YJEFN3: variants seen among roughly 807,000 people sequenced by gnomAD.
The protein encoded by YJEFN3 is yjeF N-terminal domain-containing protein 3.
A neutral mutation model predicts 31.5 loss-of-function variants in YJEFN3; 29 were observed. That is an observed-to-expected ratio of 0.92 (90% CI 0.69 to 1.26). The LOEUF is 1.26. YJEFN3 is among the 50% of genes most tolerant of loss of function. The probability of loss-of-function intolerance (pLI) is 0.00; values close to 1 mark genes in which losing one functional copy is unlikely to be tolerated. For synonymous variants in YJEFN3, 227 were observed against 196.1 expected, an observed-to-expected ratio of 1.16 and a Z score of -1.32; for missense variants, 442 against 425.4, an observed-to-expected ratio of 1.04 and a Z score of -0.34.
intron 2 of YJEFN3, among the ~76,000 whole-genome samples, chr19:19,530,679 A>G (rs987266744): frequency 1.3e-5 from 2 of 152,058 alleles, no homozygotes; most frequent in African/African-American, 2.4e-5. Flanking sequence ...CGCACCTCCT[A>G]TGTGCTTTCC....
intron 1 of YJEFN3, 175 bp from the exon 2 acceptor site, chr19:19,529,189 C>G (rs1358006105): frequency 6.9e-7 from 1 of 1,448,782 alleles, no homozygotes; most frequent in African/African-American, 1.4e-5. Context: ...CAAGACGGGC[C>G]TGGGAATCCC....
In YJEFN3 at chr19:19,534,825, G is replaced by A. The variant is rs2061192023; in HGVS notation, c.319-209G>A. 7.2e-6 allele frequency: 3 copies of A among 414,790 alleles called. No homozygotes were observed. Among genetic ancestry groups the A allele is most frequent in the Non-Finnish European group, 8.5e-6 (2 of 235,616 alleles). The allele number at this position is 414,790 out of a possible 1,614,324, so 25.7% of individuals were successfully genotyped here. On this transcript the variant is annotated intron_variant, in intron 3 of 6. Transcript: ENST00000514277. This position sits in a 1 kb window ranked among gnomAD's most constrained non-coding sequence, Gnocchi z 4.6. ...ACGTTTTTCCTGCACCGACCTGGCA[G>A]AGCCTGAGACCGGGCCTCTGCATCT...
rs1187980648 is a variant in YJEFN3, at chr19:19,537,388, C to T, written c.764C>T (p.Ala255Val). 1.3e-6 allele frequency: 2 copies of T among 1,593,262 alleles called. No individual in the cohort carries two copies. Among genetic ancestry groups the T allele is most frequent in the East Asian group, 2.3e-5 (1 of 44,436 alleles). The part of the protein sequence containing the change: ...LRPDVLVSLA[A>V]PKRCAGRFSG... ...CCTGACGTGCTGGTGTCTCTCGCGG[C>T]GCCCAAGCGCTGCGCTGGCCGCTTC... is the stretch of plus-strand genomic sequence containing the variant. The change falls in exon 7 of 7, where the codon GCG (alanine) becomes GTG (valine). Residue 255 changes from alanine to valine, a missense_variant. Transcript: ENST00000514277.
chr19:19,530,325 C>T (rs1163517368), intron 2 of YJEFN3, among the ~76,000 whole-genome samples: 1 of 152,072 alleles, frequency 6.6e-6, no homozygotes, highest in Middle Eastern at 3.2e-3. Context: ...GCAGAAGGGA[C>T]CTGCCCTGCC....
Position 19,537,325 on chromosome 19 carries a change from A to G in YJEFN3, c.701A>G (p.Asp234Gly). 1 of 1,591,566 alleles carries G rather than the reference A, an allele frequency of 6.3e-7. No individual in the cohort carries two copies. The highest frequency in any genetic ancestry group is 8.5e-7 in the Non-Finnish European group (1 of 1,175,054). ...LVSLDIPSGWDAETGSDSEDG... is the reference protein window; with the variant it reads ...LVSLDIPSGWGAETGSDSEDG... Reference sequence around the variant, plus strand: ...CCGGACCCTCCTCCCTCAGGCTGGGACGCAGAGACCGGCAGCGATTCGGAG... The same window carrying G: ...CCGGACCCTCCTCCCTCAGGCTGGGGCGCAGAGACCGGCAGCGATTCGGAG... The change falls in exon 7 of 7, where the codon GAC becomes GGC. Residue 234 changes from aspartate to glycine, a missense_variant. Physicochemically the swap from Asp to Gly is moderately conservative, Grantham distance 94. Transcript: ENST00000514277.
rs773865443 is a variant in YJEFN3 at position 19,535,608 on chromosome 19, G to A, written c.623G>A (p.Gly208Asp). 3 of 1,585,978 alleles carry A rather than the reference G, an allele frequency of 1.9e-6. No individual in the cohort carries two copies. The Admixed American group carries it at 5.3e-5, about 28-fold the overall frequency. The change falls in exon 6 of 7, where the codon GGC becomes GAC. Residue 208 changes from glycine (G) to aspartate (D), a missense_variant. Physicochemically the swap from Gly to Asp is moderately conservative, Grantham distance 94. Coordinates refer to ENST00000514277, the MANE Select transcript of YJEFN3 (RefSeq NM_198537.4). ...GGCGTGGAGCCGGGCGAGGTCGGGG[G>A]CCCCTGCACCCGCGCGCTGGCCACG... ...GPGVEPGEVG[G>D]PCTRALATLK...
chr19:19,530,145 C>T (rs781390489), intron 2 of YJEFN3, among the ~76,000 whole-genome samples: 23 of 152,256 alleles, frequency 1.5e-4, no homozygotes, highest in Non-Finnish European at 2.8e-4. Context: ...AGAAAGCCCC[C>T]TCCTGGAAGC....
chr19:19,534,869 CCCCAAGAGG>C lies in YJEFN3; in HGVS notation c.319-159_319-151del, dbSNP rs2061192361. ...TGCATCTCCAGCGGGGAAACTGAGG[CCCCAAGAGG>C]CCCAACCCCTCATCCAGAACAGCTC... On this transcript the variant is annotated intron_variant, in intron 3 of 6. Transcript: ENST00000514277. The surrounding 1 kb of genome is among the most constrained non-coding windows in gnomAD (Gnocchi z 4.6). 1 of 464,184 alleles carries C rather than the reference CCCCAAGAGG, an allele frequency of 2.2e-6. No individual in the cohort carries two copies. The highest frequency in any genetic ancestry group is 3.8e-5 in the Admixed American group (1 of 26,560). The allele number at this position is 464,184 out of a possible 1,614,324, so 28.8% of individuals were successfully genotyped here. A position where few individuals can be genotyped will look rare whatever the true frequency, so the allele number is the denominator to read the frequency against.
rs200141117 is a variant in YJEFN3, at chr19:19,535,092, C to T, written c.377C>T (p.Pro126Leu). The change falls in exon 4 of 7, where the codon CCG (proline) becomes CTG (leucine). Residue 126 changes from proline to leucine, a missense_variant. Coordinates refer to ENST00000514277, the MANE Select transcript of YJEFN3 (RefSeq NM_198537.4). ...KQRTVLVVCG[P>L]EQNGAVGLVC... is the part of the protein sequence containing the mutation. ...AGGACGGTGCTGGTCGTGTGTGGCCCGGAGCAGAACGGGGCAGTGGGGCTG... is the reference window on the plus strand; with the variant it reads ...AGGACGGTGCTGGTCGTGTGTGGCCTGGAGCAGAACGGGGCAGTGGGGCTG... The T allele has an allele frequency of 5.6e-5, 90 of 1,612,004 alleles. No individual in the cohort carries two copies. The highest frequency in any genetic ancestry group is 6.7e-5 in the Admixed American group (4 of 59,640).
intron 2 of YJEFN3, 31 bp from the exon 3 acceptor site, chr19:19,532,599 GTC>G (rs1230479455): frequency 1.4e-6 from 2 of 1,430,768 alleles, no homozygotes; most frequent in South Asian, 2.5e-5. Flanking sequence ...GTCTCTGTGT[GTC>G]TCTGAGTGTC....
At chr19:19,536,102 G>A in intron 6 of YJEFN3, 1 of 443,286 alleles carries the variant, frequency 2.3e-6, no homozygotes, top group East Asian at 4.3e-5. Context: ...CTGGCTCTCG[G>A]GATCCCAGGG....
At chr19:19,533,742 C>T (rs752079379) in intron 3 of YJEFN3, 394 of 985,362 alleles carry the variant, frequency 4.0e-4, no homozygotes, top group Middle Eastern at 5.2e-4. Context: ...TGAAATAGAT[C>T]CCGGGTGAGG....
Position 19,537,488 on chromosome 19 carries a change from G to T in YJEFN3, c.864G>T (p.Pro288=). The change falls in exon 7 of 7, where the codon CCG becomes CCT. Residue 288 remains proline (P), a synonymous_variant. Coordinates refer to ENST00000514277, the MANE Select transcript of YJEFN3 (RefSeq NM_198537.4). The part of the protein sequence containing the change: ...DVRRKFALRL[P]GYTGTDCVAA... ...GCCGCAAGTTCGCTCTGCGCCTGCCGGGATACACGGGCACCGACTGCGTCG... is the reference window on the plus strand; with the variant it reads ...GCCGCAAGTTCGCTCTGCGCCTGCCTGGATACACGGGCACCGACTGCGTCG... The T allele has an allele frequency of 6.3e-7, 1 of 1,578,394 alleles. No individual in the cohort carries two copies. Among genetic ancestry groups the T allele is most frequent in the East Asian group, 2.3e-5 (1 of 44,052 alleles).
At chr19:19,537,267 G>A in intron 6 of YJEFN3, 52 bp from the exon 7 acceptor site, 1 of 1,485,148 alleles carries the variant, frequency 6.7e-7, no homozygotes, top group Non-Finnish European at 9.0e-7. Context: ...ACTCTAGGCT[G>A]AGGGCAGGCC....
At chr19:19,529,925 A>T (rs1288885979) in intron 2 of YJEFN3, among the ~76,000 whole-genome samples, 1 of 152,190 alleles carries the variant, frequency 6.6e-6, no homozygotes, top group Non-Finnish European at 1.5e-5. Flanking sequence ...AGCCATCAGC[A>T]GGTTTGGGAC....
intron 2 of YJEFN3, 43 bp from the exon 3 acceptor site, chr19:19,532,589 G>C (rs1568364041): frequency 1.5e-6 from 2 of 1,363,654 alleles, no homozygotes; most frequent in Admixed American, 4.4e-5. Flanking sequence ...CTGAGGCTCT[G>C]TCTCTGTGTG....
rs749904021 is a variant in YJEFN3 at position 19,529,472 on chromosome 19, A to G, written c.168A>G (p.Ser56=). The stretch of plus-strand genomic sequence containing the variant: ...GGAAACAGGCCTGGGGAAGGCAGTC[A>G]TGGCTAGAGCAGATTTGGAACGCAG... ...QRRKQAWGRQ[S]WLEQIWNAGP... is the part of the protein sequence containing the mutation. Residue 56 remains serine (S), a synonymous_variant, in exon 2 of 7, where the codon TCA becomes TCG. Coordinates refer to ENST00000514277, the MANE Select transcript of YJEFN3 (RefSeq NM_198537.4). 5.0e-6 allele frequency: 8 copies of G among 1,614,194 alleles called. No homozygotes were observed. The highest frequency in any genetic ancestry group is 6.8e-6 in the Non-Finnish European group (8 of 1,180,022).
Position 19,537,561 on chromosome 19 carries a change from A to G in YJEFN3, c.*37A>G. On this transcript the variant is annotated 3_prime_UTR_variant, in exon 7 of 7. Coordinates refer to ENST00000514277, the MANE Select transcript of YJEFN3 (RefSeq NM_198537.4). ...GGCCACACCGCAGGGACCCTCGCCAATAAACAGCCCTCCCACCACCGCCGC... is the reference window on the plus strand; with the variant it reads ...GGCCACACCGCAGGGACCCTCGCCAGTAAACAGCCCTCCCACCACCGCCGC... 7 of 1,490,846 alleles carry G rather than the reference A, an allele frequency of 4.7e-6. No individual in the cohort carries two copies. The South Asian group carries it at 5.1e-5, about 11-fold the overall frequency. 92.4% of individuals were successfully genotyped at this position (1,490,846 alleles called of 1,614,324 possible).
In YJEFN3 at chr19:19,534,911, GTCCTA is replaced by G; in HGVS notation, c.319-118_319-114del. The stretch of plus-strand genomic sequence containing the variant: ...CCTCATCCAGAACAGCTCACCTCCT[GTCCTA>G]TCCTGTTGCCTCCAGGCCCAAGCCC... On this transcript the variant is annotated intron_variant, in intron 3 of 6. Transcript: ENST00000514277. This position sits in a 1 kb window ranked among gnomAD's most constrained non-coding sequence, Gnocchi z 4.6. 2 of 771,124 alleles carry G rather than the reference GTCCTA, an allele frequency of 2.6e-6. No homozygotes were observed. The highest frequency in any genetic ancestry group is 2.0e-6 in the Non-Finnish European group (1 of 498,122). 47.8% of individuals were successfully genotyped at this position (771,124 alleles called of 1,614,324 possible). A position where few individuals can be genotyped will look rare whatever the true frequency, so the allele number is the denominator to read the frequency against.
Sources: allele counts gnomAD v4.1 joint callset (sites outside exome capture counted in the v4.1 genomes callset), GRCh38; gene constraint gnomAD v4.1.1; non-coding constraint Gnocchi (gnomAD v3.1); transcripts MANE v1.5; gene names NCBI Gene and HGNC (gene_info 2026-07-23, HGNC 2026-07-21).